TRIM34: variants seen among roughly 807,000 people sequenced by gnomAD.
The protein encoded by TRIM34 is E3 ubiquitin-protein ligase TRIM34.
TRIM34 carries 41 observed loss-of-function variants against 38.1 expected under a neutral mutation model. That is an observed-to-expected ratio of 1.08 (90% confidence interval 0.84 to 1.40). The LOEUF (loss-of-function observed/expected upper bound fraction) is 1.40, where lower values mean the gene tolerates loss of function less well. TRIM34 is among the 40% of genes most tolerant of loss of function. The pLI is 0.00. For missense variants in TRIM34, 556 were observed against 571.4 expected, an observed-to-expected ratio of 0.97 and a Z score of 0.27; for synonymous variants, 200 against 202.5, an observed-to-expected ratio of 0.99 and a Z score of 0.10.
chr11:5,642,447 A>G lies in TRIM34; in HGVS notation c.815A>G (p.Lys272Arg). 1 of 1,613,896 alleles carries G rather than the reference A, an allele frequency of 6.2e-7. No homozygotes were observed. Among genetic ancestry groups the G allele is most frequent in the Admixed American group, 1.7e-5 (1 of 60,014 alleles). The change falls in exon 6 of 8, where the codon AAG becomes AGG. Residue 272 changes from lysine (K) to arginine (R), a missense_variant. By Grantham distance (26) the Lys-to-Arg change is conservative. Coordinates refer to ENST00000429814, the MANE Select transcript of TRIM34 (RefSeq NM_021616.6). ...WRLKKPKMVS[K>R]KLKTVFHAPD... ...CTGAAAAAGCCAAAAATGGTTTCCA[A>G]GAAACTGAAGACTGTATTCCATGCT... is the stretch of plus-strand genomic sequence containing the variant.
chr11:5,623,132 AG>A (rs1240271877), upstream of TRIM34, among the ~76,000 whole-genome samples: 1 of 75,280 alleles, frequency 1.3e-5, no homozygotes, highest in East Asian at 3.9e-4. Context: ...TTTTTATCTT[AG>A]TAGCTGTCTT....
intron 3 of TRIM34, 35 bp downstream of exon 3, chr11:5,633,934 AATC>A: frequency 6.2e-7 from 1 of 1,610,338 alleles, no homozygotes; most frequent in Non-Finnish European, 8.5e-7. Context: ...CTGAGACAGG[AATC>A]TTGACAGGAC....
Position 5,643,268 on chromosome 11 carries a change from A to G in TRIM34, c.1026A>G (p.Gln342=), listed in dbSNP as rs748011819. Residue 342 remains glutamine, a synonymous_variant, in exon 8 of 8, where the codon CAA becomes CAG. Coordinates refer to ENST00000429814, the MANE Select transcript of TRIM34 (RefSeq NM_021616.6). ...ATAATTATGGTGTCTTGGGATCCCA[A>G]TATTTCTCCTCTGGGAAACATTACT... ...QCYNYGVLGS[Q]YFSSGKHYWE... 4.4e-5 allele frequency: 71 copies of G among 1,613,950 alleles called. No individual in the cohort carries two copies. In the Middle Eastern group the frequency reaches 1.2e-3, roughly 26 times the overall value.
chr11:5,640,240 T>C (rs1039413436), intron 4 of TRIM34, among the ~76,000 whole-genome samples: 3 of 152,186 alleles, frequency 2.0e-5, no homozygotes, highest in African/African-American at 7.2e-5. Context: ...CAAAGTATGA[T>C]GTTAGCTGTA....
chr11:5,622,804 C>T (rs920121194), upstream of TRIM34, among the ~76,000 whole-genome samples: 1 of 152,192 alleles, frequency 6.6e-6, no homozygotes, highest in Non-Finnish European at 1.5e-5. Flanking sequence ...AGAAAACTCT[C>T]AATCAATTTA....
At chr11:5,641,139 T>G in intron 4 of TRIM34, 28 bp from the exon 5 acceptor site, 1 of 1,612,608 alleles carries the variant, frequency 6.2e-7, no homozygotes, top group Non-Finnish European at 8.5e-7. Context: ...TTATACACTT[T>G]GACTCATGTT....
chr11:5,622,939 A>G (rs1171896737), upstream of TRIM34, among the ~76,000 whole-genome samples: 3 of 152,200 alleles, frequency 2.0e-5, no homozygotes, highest in South Asian at 2.1e-4. Context: ...TGAGACATCA[A>G]TCAATATATG....
chr11:5,641,283 T>C (rs2133953995), intron 5 of TRIM34, 94 bp downstream of exon 5: 1 of 1,592,306 alleles, frequency 6.3e-7, no homozygotes, highest in Middle Eastern at 1.7e-4. Context: ...ATAAAAAATC[T>C]CCCAGAGTAG....
At chr11:5,623,195 C>G (rs890345794), upstream of TRIM34, among the ~76,000 whole-genome samples, 3 of 145,380 alleles carry the variant, frequency 2.1e-5, no homozygotes, top group Admixed American at 2.1e-4. Context: ...CTCAACCTGA[C>G]TTTTCCCTTT....
At chr11:5,625,616 C>T (rs2133905765) in intron 1 of TRIM34, among the ~76,000 whole-genome samples, 1 of 152,306 alleles carries the variant, frequency 6.6e-6, no homozygotes, top group South Asian at 2.1e-4. Context: ...TGTGGCCATC[C>T]TCACGTATTC....
At chr11:5,636,018 G>T (rs914940951) in intron 4 of TRIM34, among the ~76,000 whole-genome samples, 1 of 152,164 alleles carries the variant, frequency 6.6e-6, no homozygotes, top group Non-Finnish European at 1.5e-5. Flanking sequence ...ATGTGGCCTA[G>T]CCATTCCATT....
At chr11:5,634,602 C>T in intron 3 of TRIM34, 29 bp from the exon 4 acceptor site, 1 of 1,591,258 alleles carries the variant, frequency 6.3e-7, no homozygotes, top group East Asian at 2.3e-5. Context: ...GACAAACTTA[C>T]TACAACTCTC....
chr11:5,639,966 T>TGC (rs1849934605), intron 4 of TRIM34, among the ~76,000 whole-genome samples: 2 of 152,164 alleles, frequency 1.3e-5, no homozygotes, highest in East Asian at 1.9e-4. Flanking sequence ...GCATTTATCA[T>TGC]TTGTTTGTGT....
chr11:5,642,785 A>G (rs769140959), intron 6 of TRIM34, 32 bp from the exon 7 acceptor site: 7 of 1,613,676 alleles, frequency 4.3e-6, no homozygotes. Flanking sequence ...CTTTGTTTCT[A>G]ATCAGCATCA....
intron 4 of TRIM34, among the ~76,000 whole-genome samples, chr11:5,635,856 A>G (rs1235581020): frequency 6.6e-6 from 1 of 152,188 alleles, no homozygotes; most frequent in Non-Finnish European, 1.5e-5. Context: ...ACTCATTAGT[A>G]TGGCTATAAT....
chr11:5,643,356 C>T lies in TRIM34; in HGVS notation c.1114C>T (p.Arg372Cys), dbSNP rs769593188. The T allele has an allele frequency of 3.1e-5, 50 of 1,613,822 alleles. No homozygotes were observed. Among genetic ancestry groups the T allele is most frequent in the Non-Finnish European group, 4.0e-5 (47 of 1,179,952 alleles). Residue 372 changes from arginine (R) to cysteine (C), a missense_variant, in exon 8 of 8, where the codon CGC (arginine) becomes TGC (cysteine). Transcript: ENST00000429814. ...ILGVYCRTYS[R>C]HMKYVVRRCA... ...GGGGGTATACTGTAGAACATATTCC[C>T]GCCATATGAAGTATGTTGTTAGAAG...
chr11:5,634,530 C>CACATATATATATATATATATAT (rs1491498839), intron 3 of TRIM34, 101 bp from the exon 4 acceptor site: 24 of 203,890 alleles, frequency 1.2e-4, no homozygotes, highest in African/African-American at 8.3e-4. Context: ...CACACACACA[C>CACATATATATATATATATATAT]ATATATATAT....
chr11:5,622,852 A>ACAGCCT (rs1849041317), upstream of TRIM34, among the ~76,000 whole-genome samples: 1 of 152,240 alleles, frequency 6.6e-6, no homozygotes, highest in African/African-American at 2.4e-5. Flanking sequence ...TGCACCCATG[A>ACAGCCT]CAGCCTCAGG....
rs776593790 is a variant in TRIM34, at chr11:5,634,798, G to A, written c.687G>A (p.Leu229=). ...AEDELVQQKQ[L]VRELISDVEC... is the part of the protein sequence containing the mutation. Reference sequence around the variant, plus strand: ...ATGAGCTAGTTCAGCAGAAGCAGTTGGTGAGAGAGCTCATCTCAGATGTGG... The same window carrying A: ...ATGAGCTAGTTCAGCAGAAGCAGTTAGTGAGAGAGCTCATCTCAGATGTGG... Residue 229 remains leucine (L), a synonymous_variant, in exon 4 of 8, where the codon TTG becomes TTA. Coordinates refer to ENST00000429814, the MANE Select transcript of TRIM34 (RefSeq NM_021616.6). The A allele has an allele frequency of 1.2e-6, 2 of 1,613,804 alleles. No individual in the cohort carries two copies. Among genetic ancestry groups the A allele is most frequent in the Middle Eastern group, 1.7e-4 (1 of 6,056 alleles).
Sources: gnomAD v4.1 joint callset for allele counts (sites outside exome capture counted in the v4.1 genomes callset) on GRCh38, gnomAD v4.1.1 for gene constraint, MANE v1.5 for transcripts, NCBI Gene and HGNC (gene_info 2026-07-23, HGNC 2026-07-21) for gene names.